USP11: variants seen among roughly 807,000 people sequenced by gnomAD.
USP11 encodes the protein ubiquitin specific peptidase 11.
A neutral mutation model predicts 72.8 loss-of-function variants in USP11; 5 were observed. The ratio of observed to expected loss-of-function variants is 0.07; its 90% CI spans 0.04 to 0.14. The LOEUF (loss-of-function observed/expected upper bound fraction) is 0.14. USP11 is among the 10% of genes least tolerant of loss of function. The probability of loss-of-function intolerance (pLI) is 1.00; values close to 1 mark genes in which losing one functional copy is unlikely to be tolerated. For synonymous variants in USP11, 368 were observed against 326.5 expected (o/e 1.13, Z -1.37); for missense variants, 480 against 794.7 (o/e 0.60, Z 4.76).
intron 7 of USP11, 104 bp from the exon 8 acceptor site, chrX:47,241,173 C>T: frequency 1.1e-6 from 1 of 904,519 alleles, no homozygotes; most frequent in South Asian, 2.5e-5. Context: ...TTCCCCTTCT[C>T]TCTTGTTTTC....
At chrX:47,237,954 A>G (rs7891454) in intron 1 of USP11, among the ~76,000 whole-genome samples, 201 of 111,114 alleles carry the variant, frequency 1.8e-3, no homozygotes, top group African/African-American at 5.5e-3. Context: ...AAACTTCAGG[A>G]TTTCTCACAA....
rs970177109 is a variant in USP11 at position 47,238,968 on chromosome X, A to G, written c.177-102A>G. 3.9e-5 allele frequency: 20 copies of G among 514,607 alleles called. No individual in the cohort carries two copies. In the African/African-American group the frequency reaches 4.5e-4, roughly 12 times the overall value. 42.4% of individuals were successfully genotyped at this position (514,607 alleles called of 1,213,427 possible). On this transcript the variant is annotated intron_variant, in intron 1 of 20. Coordinates refer to ENST00000377107, the MANE Select transcript of USP11 (RefSeq NM_001371072.1). ...ATATGATGCTGAAACTTTTCATCTT[A>G]AATTATAATGTGTCAATACTTTCAG...
At chrX:47,243,623 G>C in intron 13 of USP11, 21 bp downstream of exon 13, 1 of 1,205,352 alleles carries the variant, frequency 8.3e-7, no homozygotes, top group Non-Finnish European at 1.1e-6. Flanking sequence ...TCTTCCCCGG[G>C]GGTGGGGGGC....
chrX:47,244,373 A>G (rs2055420533), intron 13 of USP11, 125 bp from the exon 14 acceptor site: 1 of 783,558 alleles, frequency 1.3e-6, no homozygotes, highest in African/African-American at 2.1e-5. Context: ...GCCCTCTCAC[A>G]CCTCAGATTC....
Position 47,239,122 on chromosome X carries a change from G to A in USP11, c.229G>A (p.Gly77Arg). The A allele has an allele frequency of 1.7e-6, 2 of 1,210,472 alleles. No homozygotes were observed. Among genetic ancestry groups the A allele is most frequent in the Non-Finnish European group, 2.2e-6 (2 of 895,023 alleles). ...GCAGTGGGAGGCATACGTGCAGGGA[G>A]GGGACCAGGACTCCAGCACCTTCCC... ...YKQWEAYVQG[G>R]DQDSSTFPGC... The change falls in exon 2 of 21, where the codon GGG becomes AGG. Residue 77 changes from glycine to arginine, a missense_variant. Gly to Arg is a moderately radical substitution (Grantham distance 125). Transcript: ENST00000377107.
In USP11 at chrX:47,244,831, C is replaced by A. The variant is rs1405887078; in HGVS notation, c.1993C>A (p.Pro665Thr). 1.7e-6 allele frequency: 2 copies of A among 1,211,357 alleles called. No individual in the cohort carries two copies. The highest frequency in any genetic ancestry group is 3.0e-5 in the East Asian group (1 of 33,821). Residue 665 changes from proline to threonine, a missense_variant, in exon 15 of 21, where the codon CCC (proline) becomes ACC (threonine). Physicochemically the swap from Pro to Thr is conservative, Grantham distance 38. Coordinates refer to ENST00000377107, the MANE Select transcript of USP11 (RefSeq NM_001371072.1). ...LDNCLGTSQWPPRRRRKQLFT... is the reference protein window; with the variant it reads ...LDNCLGTSQWTPRRRRKQLFT... ...CAATTGCCTTGGCACATCTCAGTGG[C>A]CCCCAAGGCGACGACGCAAGCAGCT... is the stretch of plus-strand genomic sequence containing the variant.
intron 12 of USP11, 113 bp downstream of exon 12, chrX:47,242,833 G>A: frequency 3.4e-6 from 2 of 589,364 alleles, no homozygotes; most frequent in Admixed American, 5.3e-5. Flanking sequence ...CGTTCACTGG[G>A]CACCTGCCCT....
chrX:47,247,823 C>T lies in USP11; in HGVS notation c.2656C>T (p.Arg886Cys), dbSNP rs760876517. The T allele has an allele frequency of 2.5e-6, 3 of 1,208,852 alleles. No homozygotes were observed. The highest frequency in any genetic ancestry group is 1.8e-5 in the South Asian group (1 of 56,699). Residue 886 changes from arginine (R) to cysteine (C), a missense_variant, in exon 21 of 21, where the codon CGC (arginine) becomes TGC (cysteine). Coordinates refer to ENST00000377107, the MANE Select transcript of USP11 (RefSeq NM_001371072.1). ...GGCAGCCTATGTCCTCTTCTACCAACGCCAGGACGTGGCGCGACGCCTGCT... is the reference window on the plus strand; with the variant it reads ...GGCAGCCTATGTCCTCTTCTACCAATGCCAGGACGTGGCGCGACGCCTGCT... ...SKAAYVLFYQ[R>C]QDVARRLLSP...
At chrX:47,246,319 A>G (rs1161783258) in intron 17 of USP11, among the ~76,000 whole-genome samples, 1 of 112,283 alleles carries the variant, frequency 8.9e-6, no homozygotes, top group Non-Finnish European at 1.9e-5. Flanking sequence ...TGCAGAATAA[A>G]CAAAAAGAGA....
chrX:47,237,814 G>T (rs1469076963), intron 1 of USP11, among the ~76,000 whole-genome samples: 1 of 81,198 alleles, frequency 1.2e-5, no homozygotes, highest in Admixed American at 1.3e-4. Context: ...GTGTGTGTGT[G>T]TGTGTGTGTG....
chrX:47,247,485 C>T (rs749563878), intron 19 of USP11, 66 bp downstream of exon 19: 1 of 1,170,097 alleles, frequency 8.5e-7, no homozygotes, highest in South Asian at 1.8e-5. Context: ...TCAGGACCTT[C>T]CCAGTGAGTG....
In USP11 at chrX:47,244,669, C is replaced by T. The variant is rs1569236704; in HGVS notation, c.1844-13C>T. 6 of 1,204,348 alleles carry T rather than the reference C, an allele frequency of 5.0e-6. No homozygotes were observed. Among genetic ancestry groups the T allele is most frequent in the Non-Finnish European group, 5.6e-6 (5 of 892,097 alleles). On this transcript the variant is annotated splice_polypyrimidine_tract_variant and intron_variant, in intron 14 of 20. Coordinates refer to ENST00000377107, the MANE Select transcript of USP11 (RefSeq NM_001371072.1). ...GCTCACACCTTCCCATCTCTGACAT[C>T]CTCCTGTCCTAGAAGATGACGAGGA...
In USP11 at chrX:47,235,593, C is replaced by G. The variant is rs181629819; in HGVS notation, c.176+2374C>G. Among the ~76,000 whole-genome samples the G allele has an allele frequency of 2.5e-4, 27 of 109,946 alleles. No individual in the cohort carries two copies. In the East Asian group the frequency reaches 7.4e-3, roughly 30 times the overall value. ...TGCATTCTGATGTCTTCCCATATCT[C>G]TCCTCTGATTACGCACTCCCTCCCT... On this transcript the variant is annotated intron_variant, in intron 1 of 20. Transcript: ENST00000377107.
intron 17 of USP11, 37 bp from the exon 18 acceptor site, chrX:47,247,031 AAAAG>A: frequency 8.6e-7 from 1 of 1,166,160 alleles, no homozygotes; most frequent in Non-Finnish European, 1.1e-6. Flanking sequence ...AAAAAAAAAA[AAAAG>A]AAAAAGTCCG....
At chrX:47,238,226 C>T (rs1008960207) in intron 1 of USP11, among the ~76,000 whole-genome samples, 4 of 90,652 alleles carry the variant, frequency 4.4e-5, no homozygotes, top group African/African-American at 4.3e-5. Context: ...GTCACTCTGT[C>T]GCACAGGCTG....
At chrX:47,241,827 C>G in intron 9 of USP11, 128 bp downstream of exon 9, 1 of 880,147 alleles carries the variant, frequency 1.1e-6, no homozygotes, top group Non-Finnish European at 1.5e-6. Context: ...GACCTCAACT[C>G]CAGCCTTACT....
Position 47,244,689 on chromosome X carries a change from CGAG to C in USP11, c.1857_1859del (p.Glu619del), listed in dbSNP as rs1378846237. ...GACATCCTCCTGTCCTAGAAGATGA[CGAG>C]GAGGATAAAGATGACGTCCCTGGGC... On this transcript the variant is annotated inframe_deletion, in exon 15 of 21. Coordinates refer to ENST00000377107, the MANE Select transcript of USP11 (RefSeq NM_001371072.1). 1.3e-5 allele frequency: 16 copies of C among 1,205,204 alleles called. No homozygotes were observed. The highest frequency in any genetic ancestry group is 1.8e-5 in the South Asian group (1 of 56,132).
Position 47,247,321 on chromosome X carries a change from A to G in USP11, c.2438A>G (p.Glu813Gly). The change falls in exon 19 of 21, where the codon GAG (glutamate) becomes GGG (glycine). Residue 813 changes from glutamate to glycine, a missense_variant. Around this residue, in one of 5 missense-constraint regions of USP11, gnomAD observed 314 missense variants for 556.0 expected, o/e 0.56. Transcript: ENST00000377107. ...EFPIRDLDFS[E>G]FVIQPQNESN... ...ACCCACAGGGACCTGGACTTCTCTGAGTTTGTCATCCAGCCACAGAATGAG... is the reference window on the plus strand; with the variant it reads ...ACCCACAGGGACCTGGACTTCTCTGGGTTTGTCATCCAGCCACAGAATGAG... 1 of 1,211,396 alleles carries G rather than the reference A, an allele frequency of 8.3e-7. No individual in the cohort carries two copies. The highest frequency in any genetic ancestry group is 1.1e-6 in the Non-Finnish European group (1 of 895,381).
rs762967461 is a variant in USP11, at chrX:47,248,130, G to A, written c.*200G>A. 8.9e-5 allele frequency: 49 copies of A among 548,287 alleles called. No individual in the cohort carries two copies. Among genetic ancestry groups the A allele is most frequent in the East Asian group, 3.9e-5 (1 of 25,505 alleles). The allele number at this position is 548,287 out of a possible 1,213,427, so 45.2% of individuals were successfully genotyped here. A position where few individuals can be genotyped will look rare whatever the true frequency, so the allele number is the denominator to read the frequency against. On this transcript the variant is annotated 3_prime_UTR_variant, in exon 21 of 21. Coordinates refer to ENST00000377107, the MANE Select transcript of USP11 (RefSeq NM_001371072.1). ...GTCGTGTCTCCTCCTAGCAGTGCGC[G>A]CCCCGCCTGTGTTTGCCCTTCCAGC...
Sources: allele counts gnomAD v4.1 joint callset (sites outside exome capture counted in the v4.1 genomes callset), GRCh38; gene constraint gnomAD v4.1.1; regional missense constraint gnomAD v4.1.1; transcripts MANE v1.5; gene names NCBI Gene and HGNC (gene_info 2026-07-23, HGNC 2026-07-21).